The following BRCA2 variants were observed in gnomAD, a reference collection of about 807,000 sequenced individuals.
BRCA2 encodes breast cancer type 2 susceptibility protein.
A neutral mutation model predicts 276.7 loss-of-function variants in BRCA2; 203 were observed. The observed-to-expected ratio is 0.73, with a 90% CI of 0.65 to 0.82. BRCA2 has a LOEUF of 0.82. BRCA2 is among the 40% of genes least tolerant of loss of function. The probability of loss-of-function intolerance (pLI) is 0.00; values close to 1 mark genes in which losing one functional copy is unlikely to be tolerated. For synonymous variants in BRCA2, 1,289 were observed against 1,338.4 expected (o/e 0.96, Z 0.81); for missense variants, 3,920 against 3,915.0 (o/e 1.00, Z -0.03).
At chr13:32,349,141 G>C (rs2072630228) in intron 13 of BRCA2, among the ~76,000 whole-genome samples, 1 of 146,974 alleles carries the variant, frequency 6.8e-6, no homozygotes, top group Non-Finnish European at 1.5e-5. Flanking sequence ...AGAACCGCTT[G>C]AACCTTTGAG....
chr13:32,375,939 G>T (rs2072868343), intron 20 of BRCA2, among the ~76,000 whole-genome samples: 1 of 152,134 alleles, frequency 6.6e-6, no homozygotes, highest in Admixed American at 6.5e-5. Flanking sequence ...TATTGTGTTA[G>T]GAGTCATGAA....
intron 24 of BRCA2, among the ~76,000 whole-genome samples, chr13:32,381,163 G>A (rs2072922289): frequency 6.6e-6 from 1 of 152,032 alleles, no homozygotes; most frequent in African/African-American, 2.4e-5. Context: ...GATAACTTTT[G>A]TTCATTTAAT....
chr13:32,323,157 T>G (rs1490208596), intron 3 of BRCA2, among the ~76,000 whole-genome samples: 2 of 144,114 alleles, frequency 1.4e-5, no homozygotes, highest in Non-Finnish European at 3.1e-5. Flanking sequence ...TTTAATTTTT[T>G]TTTTTTTTTT....
intron 16 of BRCA2, 121 bp from the exon 17 acceptor site, chr13:32,362,402 A>G: frequency 1.1e-6 from 1 of 911,516 alleles, no homozygotes; most frequent in Non-Finnish European, 1.7e-6. Flanking sequence ...AGATCATATG[A>G]ACTCATAAAA....
At chr13:32,392,710 T>C (rs1566257994) in intron 24 of BRCA2, among the ~76,000 whole-genome samples, 2 of 152,204 alleles carry the variant, frequency 1.3e-5, no homozygotes, top group Admixed American at 1.3e-4. Flanking sequence ...TGTTAACATC[T>C]TGCATAACCG....
chr13:32,379,810 GAT>G lies in BRCA2; in HGVS notation c.9016_9017del (p.Tyr3006GlnfsTer11), dbSNP rs80359739. 1 of 1,612,324 alleles carries G rather than the reference GAT, an allele frequency of 6.2e-7. No individual in the cohort carries two copies. The highest frequency in any genetic ancestry group is 8.5e-7 in the Non-Finnish European group (1 of 1,178,424). ...TATTCTCTGTTAACAGAAGGAAAGAGATACAGAATTTATCATCTTGCAACTTC... is the reference window on the plus strand; with the variant it reads ...TATTCTCTGTTAACAGAAGGAAAGAGACAGAATTTATCATCTTGCAACTTC... On this transcript the variant is annotated frameshift_variant, in exon 23 of 27. Transcript: ENST00000380152. LOFTEE classifies it high-confidence loss of function.
intron 16 of BRCA2, among the ~76,000 whole-genome samples, chr13:32,358,691 G>A (rs555141640): frequency 4.0e-5 from 6 of 151,454 alleles, no homozygotes; most frequent in South Asian, 4.2e-4. Flanking sequence ...CCAACACTTC[G>A]GAAGGCCAAG....
intron 13 of BRCA2, among the ~76,000 whole-genome samples, chr13:32,347,943 A>G (rs1191712048): frequency 6.6e-6 from 1 of 152,210 alleles, no homozygotes; most frequent in Non-Finnish European, 1.5e-5. Flanking sequence ...GAAAGCTACT[A>G]TGAAACATAG....
chr13:32,349,022 G>C (rs2072629580), intron 13 of BRCA2, among the ~76,000 whole-genome samples: 1 of 152,064 alleles, frequency 6.6e-6, no homozygotes, highest in Non-Finnish European at 1.5e-5. Context: ...AGGAGTTCGA[G>C]ACTAGCCTGG....
chr13:32,328,593 C>T (rs190901472), intron 7 of BRCA2, among the ~76,000 whole-genome samples: 323 of 152,020 alleles, frequency 2.1e-3, no homozygotes, highest in Non-Finnish European at 2.6e-3. Flanking sequence ...TTTTGTGAGT[C>T]GTATATGCTC....
At chr13:32,378,135 A>G (rs1328482644) in intron 21 of BRCA2, among the ~76,000 whole-genome samples, 5 of 152,230 alleles carry the variant, frequency 3.3e-5, no homozygotes, top group Admixed American at 2.6e-4. Flanking sequence ...TCTATGAATC[A>G]TCATGAAGAT....
rs1180921609 is a variant in BRCA2, at chr13:32,394,744, G to A, written c.9312G>A (p.Lys3104=). The change falls in exon 25 of 27, where the codon AAG becomes AAA. Residue 3104 remains lysine (K), a synonymous_variant. Transcript: ENST00000380152. ...SDECYNLLAI[K]FWIDLNEDII... Reference sequence around the variant, plus strand: ...AATGTTACAATTTACTGGCAATAAAGTTTTGGATAGACCTTAATGAGGACA... The same window carrying A: ...AATGTTACAATTTACTGGCAATAAAATTTTGGATAGACCTTAATGAGGACA... The A allele has an allele frequency of 6.2e-7, 1 of 1,613,802 alleles. No individual in the cohort carries two copies. Among genetic ancestry groups the A allele is most frequent in the Non-Finnish European group, 8.5e-7 (1 of 1,179,956 alleles).
chr13:32,322,264 C>A (rs1336181441), intron 3 of BRCA2, among the ~76,000 whole-genome samples: 1 of 152,162 alleles, frequency 6.6e-6, no homozygotes, highest in African/African-American at 2.4e-5. Context: ...TTCAGACTGG[C>A]TTCTTTCACT....
At chr13:32,382,627 G>T (rs756528446) in intron 24 of BRCA2, among the ~76,000 whole-genome samples, 3 of 152,150 alleles carry the variant, frequency 2.0e-5, no homozygotes, top group Non-Finnish European at 2.9e-5. Context: ...AGGGAAAGGA[G>T]GAATGATAGT....
Position 32,339,074 on chromosome 13 carries a change from T to TA in BRCA2, c.4722dup (p.Asp1575ArgfsTer3), listed in dbSNP as rs879255453. 6.2e-7 allele frequency: 1 copy of TA among 1,613,906 alleles called. No homozygotes were observed. The highest frequency in any genetic ancestry group is 2.2e-5 in the East Asian group (1 of 44,878). On this transcript the variant is annotated frameshift_variant, in exon 11 of 27. Transcript: ENST00000380152. LOFTEE classifies it high-confidence loss of function. Reference sequence around the variant, plus strand: ...AGACCCTAAAGTACAGAGAGGCCTGTAAAGACCTTGAATTAGCATGTGAGA... The same window carrying TA: ...AGACCCTAAAGTACAGAGAGGCCTGTAAAAGACCTTGAATTAGCATGTGAGA...
Position 32,397,157 on chromosome 13 carries a change from TGTG to T in BRCA2, c.9648+116_9648+118del, listed in dbSNP as rs1473265665. ...AATGTAATTAAACTTAATTAGAAAA[TGTG>T]GTTGTTATGTGGCTCCTGTAAGTAT... On this transcript the variant is annotated intron_variant, in intron 26 of 26. Transcript: ENST00000380152. The T allele has an allele frequency of 7.8e-5, 100 of 1,277,936 alleles. 2 individuals carry two copies. In the South Asian group the frequency reaches 1.2e-3, roughly 15 times the overall value. 79.2% of individuals were successfully genotyped at this position (1,277,936 alleles called of 1,614,324 possible). A position where few individuals can be genotyped will look rare whatever the true frequency, so the allele number is the denominator to read the frequency against.
At chr13:32,370,738 G>A (rs1172711041) in intron 19 of BRCA2, among the ~76,000 whole-genome samples, 181 bp downstream of exon 19, 1 of 152,106 alleles carries the variant, frequency 6.6e-6, no homozygotes, top group Non-Finnish European at 1.5e-5. Context: ...CTCTCAAGTA[G>A]CTGAGCCACC....
At chr13:32,344,683 C>A in intron 12 of BRCA2, 30 bp downstream of exon 12, 1 of 1,413,354 alleles carries the variant, frequency 7.1e-7, no homozygotes, top group Non-Finnish European at 1.0e-6. Context: ...TATATCTGTT[C>A]TCCCTCTATA....
chr13:32,319,351 G>C (rs753451032), intron 3 of BRCA2, 26 bp downstream of exon 3: 3 of 1,592,208 alleles, frequency 1.9e-6, no homozygotes, highest in Admixed American at 1.7e-5. Context: ...TGGTAGACTG[G>C]GGAGAACTAC....
Sources: gnomAD v4.1 joint callset for allele counts (sites outside exome capture counted in the v4.1 genomes callset) on GRCh38, gnomAD v4.1.1 for gene constraint, MANE v1.5 for transcripts, NCBI Gene and HGNC (gene_info 2026-07-23, HGNC 2026-07-21) for gene names.